The following LIPA variants were observed in gnomAD, a reference collection of about 807,000 sequenced individuals.
LIPA encodes the protein lysosomal acid lipase/cholesteryl ester hydrolase.
Under a neutral mutation model 40.6 loss-of-function variants are expected in LIPA, and 26 were observed. The observed-to-expected ratio is 0.64, with a 90% CI of 0.47 to 0.89. The LOEUF (loss-of-function observed/expected upper bound fraction) is 0.89. Among genes scored for constraint, LIPA ranks in the 40% least tolerant of loss-of-function variants. The pLI is 0.00. For missense variants in LIPA, 455 were observed against 479.6 expected, an observed-to-expected ratio of 0.95 and a Z score of 0.48; for synonymous variants, 188 against 168.4, an observed-to-expected ratio of 1.12 and a Z score of -0.90.
At chr10:89,233,098 A>C (rs1842861769) in intron 3 of LIPA, among the ~76,000 whole-genome samples, 1 of 152,008 alleles carries the variant, frequency 6.6e-6, no homozygotes, top group South Asian at 2.1e-4. Context: ...GCTTCCAGAG[A>C]ATAAGTCAAA....
At chr10:89,278,647 A>G (rs1293452673) in intron 1 of LIPA, 1 of 152,220 alleles carries the variant, frequency 6.6e-6, no homozygotes, top group Non-Finnish European at 1.5e-5. Context: ...ATAAAATTAC[A>G]AAGACAGGCT....
At chr10:89,291,133 A>ATCCT (rs1470142290) in intron 1 of LIPA, among the ~76,000 whole-genome samples, 1 of 148,556 alleles carries the variant, frequency 6.7e-6, no homozygotes, top group East Asian at 2.0e-4. Context: ...CCTTTCTTCC[A>ATCCT]TCCTTCCTTC....
At chr10:89,278,565 A>G (rs1324584006) in intron 1 of LIPA, 1 of 152,170 alleles carries the variant, frequency 6.6e-6, no homozygotes, top group Non-Finnish European at 1.5e-5. Flanking sequence ...CACAACTAAA[A>G]TGCTGCTCTA....
rs1242822574 is a variant in LIPA, at chr10:89,214,006, A to C, written c.*822T>G. The C allele has an allele frequency of 6.6e-6, 1 of 152,190 alleles. No homozygotes were observed. Among genetic ancestry groups the C allele is most frequent in the Non-Finnish European group, 1.5e-5 (1 of 68,034 alleles). The allele number at this position is 152,190 out of a possible 1,614,324, so 9.4% of individuals were successfully genotyped here. On this transcript the variant is annotated 3_prime_UTR_variant, in exon 10 of 10. Coordinates refer to ENST00000336233, the MANE Select transcript of LIPA (RefSeq NM_000235.4). The stretch of plus-strand genomic sequence containing the variant: ...AGTAGCGGGCTCCAAGAGTACATTA[A>C]TCTCAGAAAAAATAGTGGTATAGTC...
chr10:89,315,786 A>T (rs1482532527), intron 1 of LIPA, among the ~76,000 whole-genome samples: 1 of 152,200 alleles, frequency 6.6e-6, no homozygotes, highest in African/African-American at 2.4e-5. Context: ...AGTGTGAGGC[A>T]AAAAGGAAAT....
At chr10:89,286,226 A>G (rs1048686463) in intron 1 of LIPA, among the ~76,000 whole-genome samples, 7 of 151,186 alleles carry the variant, frequency 4.6e-5, no homozygotes, top group African/African-American at 1.7e-4. Flanking sequence ...CTCATCCCAA[A>G]TCTTCCTTCT....
At chr10:89,224,584 C>T (rs1159166267) in intron 6 of LIPA, among the ~76,000 whole-genome samples, 1 of 152,208 alleles carries the variant, frequency 6.6e-6, no homozygotes, top group Non-Finnish European at 1.5e-5. Flanking sequence ...TCTATTTCCT[C>T]CCTGAACAGA....
upstream of LIPA, among the ~76,000 whole-genome samples, chr10:89,252,607 G>C (rs1843143711): frequency 6.6e-6 from 1 of 152,082 alleles, no homozygotes; most frequent in Non-Finnish European, 1.5e-5. Context: ...CAGGAGTTCA[G>C]GACCAGCCTG....
intron 1 of LIPA, chr10:89,284,633 G>A (rs1441463696): frequency 5.9e-5 from 9 of 151,748 alleles, no homozygotes; most frequent in Middle Eastern, 3.4e-3. Context: ...AAGTATAAGC[G>A]AAAAAAAATC....
intron 2 of LIPA, among the ~76,000 whole-genome samples, chr10:89,376,187 T>TAAAAAAAA (rs66954730): frequency 2.9e-5 from 3 of 102,538 alleles, no homozygotes; most frequent in Admixed American, 1.2e-4. Flanking sequence ...GACTCTATCT[T>TAAAAAAAA]AAAAAAAAAA....
intron 2 of LIPA, among the ~76,000 whole-genome samples, chr10:89,374,310 T>G (rs557844579): frequency 2.6e-5 from 4 of 151,914 alleles, no homozygotes; most frequent in Admixed American, 1.3e-4. Context: ...TTTCCATTGT[T>G]TTTTTCCTAT....
chr10:89,244,012 T>C (rs1842994236), intron 3 of LIPA, among the ~76,000 whole-genome samples: 1 of 152,164 alleles, frequency 6.6e-6, no homozygotes, highest in East Asian at 1.9e-4. Context: ...ACCAAGATCA[T>C]ATGCTCGCTC....
chr10:89,335,181 C>T (rs1843716035), intron 1 of LIPA, among the ~76,000 whole-genome samples: 1 of 152,116 alleles, frequency 6.6e-6, no homozygotes, highest in South Asian at 2.1e-4. Context: ...AATCAAGGGA[C>T]CCAATTTTCA....
intron 2 of LIPA, among the ~76,000 whole-genome samples, chr10:89,352,788 TAAAAAA>T (rs34514402): frequency 1.6e-4 from 18 of 113,134 alleles, no homozygotes; most frequent in Middle Eastern, 5.0e-3. Flanking sequence ...ACTACAAAGA[TAAAAAA>T]AAAAAAAAAA....
chr10:89,220,831 G>C (rs564641395), intron 8 of LIPA, among the ~76,000 whole-genome samples: 2 of 152,250 alleles, frequency 1.3e-5, no homozygotes, highest in South Asian at 2.1e-4. Flanking sequence ...TCCCAAACCT[G>C]GTGGAGCAAA....
Position 89,311,371 on chromosome 10 carries a change from CA to C in LIPA, c.-2+31239del, listed in dbSNP as rs902679174. On this transcript the variant is annotated intron_variant, in intron 1 of 5. Transcript: ENST00000282673. ...AACCCCATCTCTACCAAAAAAAATA[CA>C]AAAAAAAATTAACCAGGCATGGCGG... 4.0e-5 allele frequency among the ~76,000 whole-genome samples: 6 copies of C among 150,262 alleles called. No individual in the cohort carries two copies. In the East Asian group the frequency reaches 5.8e-4, roughly 15 times the overall value.
chr10:89,347,482 A>T (rs572898445), upstream of LIPA, among the ~76,000 whole-genome samples: 1 of 152,338 alleles, frequency 6.6e-6, no homozygotes, highest in Admixed American at 6.5e-5. Context: ...ATGTTAGCCA[A>T]GGGCCAACCT....
At chr10:89,354,084 T>TA in intron 2 of LIPA, among the ~76,000 whole-genome samples, 2 of 152,228 alleles carry the variant, frequency 1.3e-5, no homozygotes, top group Non-Finnish European at 2.9e-5. Flanking sequence ...GATTTCTTTC[T>TA]TCTAAGGAGG....
At chr10:89,317,062 C>G (rs1291843050) in intron 1 of LIPA, among the ~76,000 whole-genome samples, 1 of 152,220 alleles carries the variant, frequency 6.6e-6, no homozygotes, top group Non-Finnish European at 1.5e-5. Flanking sequence ...ATCTGTATGT[C>G]ACCATCATCA....
Sources: gnomAD v4.1 joint callset for allele counts (sites outside exome capture counted in the v4.1 genomes callset) on GRCh38, gnomAD v4.1.1 for gene constraint, MANE v1.5 for transcripts, NCBI Gene and HGNC (gene_info 2026-07-23, HGNC 2026-07-21) for gene names.